SCAMP5: variants seen among roughly 807,000 people sequenced by gnomAD.
The protein encoded by SCAMP5 is secretory carrier membrane protein 5, also known as secretory carrier-associated membrane protein 5.
In SCAMP5, 7 loss-of-function variants were observed where a neutral mutation model predicts 28.3. The observed-to-expected ratio is 0.25, with a 90% CI of 0.14 to 0.46. The LOEUF is 0.46. Among genes scored for constraint, SCAMP5 ranks in the 20% least tolerant of loss-of-function variants. The pLI is 0.99. For missense variants in SCAMP5, 192 were observed against 312.5 expected (o/e 0.61, Z 2.91); for synonymous variants, 117 against 116.4 (o/e 1.00, Z -0.03).
rs1334046105 is a variant in SCAMP5 at position 74,995,579 on chromosome 15, G to A, written c.-143G>A. The A allele has an allele frequency of 1.4e-5, 2 of 141,822 alleles. No homozygotes were observed. Among genetic ancestry groups the A allele is most frequent in the African/African-American group, 2.6e-5 (1 of 39,086 alleles). 8.8% of individuals were successfully genotyped at this position (141,822 alleles called of 1,614,324 possible). A position where few individuals can be genotyped will look rare whatever the true frequency, so the allele number is the denominator to read the frequency against. ...GCGCGCGCTCCCCGCCCCCAGCCCCGGAGCGGCTCGCGGCCGGCTCCGCGC... is the reference window on the plus strand; with the variant it reads ...GCGCGCGCTCCCCGCCCCCAGCCCCAGAGCGGCTCGCGGCCGGCTCCGCGC... On this transcript the variant is annotated 5_prime_UTR_variant, in exon 1 of 7. Transcript: ENST00000425597.
intron 4 of SCAMP5, chr15:75,017,664 C>A: frequency 1.6e-6 from 1 of 608,088 alleles, no homozygotes; most frequent in Non-Finnish European, 2.9e-6. Flanking sequence ...GAAATCCCTC[C>A]CTGTGTAATG....
chr15:75,012,980 C>T, intron 3 of SCAMP5, 175 bp downstream of exon 3: 2 of 625,036 alleles, frequency 3.2e-6, no homozygotes, highest in Middle Eastern at 8.5e-4. Context: ...CTTCCATGGG[C>T]CACCTCCCCG....
intron 2 of SCAMP5, among the ~76,000 whole-genome samples, chr15:75,012,327 G>A (rs2141447186): frequency 6.6e-6 from 1 of 152,352 alleles, no homozygotes; most frequent in South Asian, 2.1e-4. Flanking sequence ...GTGGAGGCTG[G>A]AACCCACGTC....
intron 1 of SCAMP5, among the ~76,000 whole-genome samples, chr15:75,000,637 G>A (rs1359948803): frequency 6.7e-6 from 1 of 149,648 alleles, no homozygotes; most frequent in African/African-American, 2.4e-5. Flanking sequence ...GCCCACCTCG[G>A]CCTCCCAGAG....
chr15:75,009,593 C>T (rs1595885524), intron 1 of SCAMP5, among the ~76,000 whole-genome samples: 2 of 152,164 alleles, frequency 1.3e-5, no homozygotes, highest in East Asian at 3.9e-4. Flanking sequence ...CCTCCCACTT[C>T]AGCCTCCTGA....
Position 74,998,799 on chromosome 15 carries a change from A to G in SCAMP5, c.-49+3126A>G, listed in dbSNP as rs187521448. ...CTCTCTGCCCTAACCTTTATATACA[A>G]ACAAGGCAGCTTTGCCCTCTGCTCT... is the stretch of plus-strand genomic sequence containing the variant. On this transcript the variant is annotated intron_variant, in intron 1 of 6. Transcript: ENST00000425597. Among the ~76,000 whole-genome samples, 821 of 151,964 alleles carry G rather than the reference A, an allele frequency of 5.4e-3. 7 individuals are homozygous for G. The highest frequency in any genetic ancestry group is 0.019 in the African/African-American group (789 of 41,430).
At chr15:74,999,170 G>A (rs2065679382) in intron 1 of SCAMP5, among the ~76,000 whole-genome samples, 1 of 152,108 alleles carries the variant, frequency 6.6e-6, no homozygotes, top group South Asian at 2.1e-4. Context: ...ATTTCTCTCT[G>A]ACCACAGTCT....
At chr15:75,016,324 C>G (rs563117631) in intron 3 of SCAMP5, among the ~76,000 whole-genome samples, 2 of 152,088 alleles carry the variant, frequency 1.3e-5, no homozygotes, top group Non-Finnish European at 2.9e-5. Context: ...TCCCAGCTTG[C>G]GTTCTTACAG....
chr15:75,011,332 T>C (rs910048532), intron 1 of SCAMP5, among the ~76,000 whole-genome samples: 5 of 152,104 alleles, frequency 3.3e-5, no homozygotes, highest in Non-Finnish European at 7.3e-5. Context: ...ACTGCAGAGG[T>C]GATTGACTGT....
At chr15:75,001,784 C>T (rs1158304661) in intron 1 of SCAMP5, among the ~76,000 whole-genome samples, 1 of 146,512 alleles carries the variant, frequency 6.8e-6, no homozygotes, top group African/African-American at 2.5e-5. Context: ...GCAGGAGAAT[C>T]GCTTGAACCC....
intron 1 of SCAMP5, among the ~76,000 whole-genome samples, chr15:75,003,456 T>C (rs961851495): frequency 6.6e-6 from 1 of 152,178 alleles, no homozygotes; most frequent in African/African-American, 2.4e-5. Flanking sequence ...AATACAGATA[T>C]GTATATTTCC....
chr15:74,997,553 T>C (rs1451192297), intron 1 of SCAMP5, among the ~76,000 whole-genome samples: 2 of 152,204 alleles, frequency 1.3e-5, no homozygotes, highest in Non-Finnish European at 1.5e-5. Context: ...GCAGCGATTT[T>C]TGGAAAGGCT....
At chr15:75,017,770 T>A in intron 4 of SCAMP5, 100 bp from the exon 5 acceptor site, 2 of 792,678 alleles carry the variant, frequency 2.5e-6, no homozygotes, top group South Asian at 2.7e-5. Flanking sequence ...AAATGTCTTC[T>A]GTCCATTATG....
intron 1 of SCAMP5, chr15:74,997,330 T>G (rs1317012339): frequency 1.3e-5 from 2 of 152,116 alleles, no homozygotes; most frequent in African/African-American, 4.8e-5. Flanking sequence ...TGACAGCAGC[T>G]TTGGGCTTAA....
chr15:75,010,897 C>T (rs2065805486), intron 1 of SCAMP5, among the ~76,000 whole-genome samples: 2 of 152,176 alleles, frequency 1.3e-5, no homozygotes, highest in Admixed American at 1.3e-4. Flanking sequence ...CAGGTTTTTA[C>T]TACCACTTGT....
chr15:75,010,211 C>T (rs2065798522), intron 1 of SCAMP5, among the ~76,000 whole-genome samples: 1 of 152,154 alleles, frequency 6.6e-6, no homozygotes, highest in Non-Finnish European at 1.5e-5. Context: ...TGTTTGTACC[C>T]TCCAGATTCC....
At chr15:75,003,229 T>C (rs558795914) in intron 1 of SCAMP5, among the ~76,000 whole-genome samples, 2 of 152,320 alleles carry the variant, frequency 1.3e-5, no homozygotes, top group South Asian at 4.1e-4. Flanking sequence ...AGCCTGCAAA[T>C]TGGCAATGTT....
intron 1 of SCAMP5, among the ~76,000 whole-genome samples, chr15:75,008,218 T>C (rs2065778688): frequency 1.3e-5 from 2 of 152,044 alleles, no homozygotes; most frequent in South Asian, 2.1e-4. Context: ...TCATTTTATG[T>C]GTACAAGTAT....
chr15:75,001,269 CAAAAAAAA>C (rs34325708), intron 1 of SCAMP5, among the ~76,000 whole-genome samples: 21 of 58,186 alleles, frequency 3.6e-4, no homozygotes, highest in African/African-American at 1.5e-3. Flanking sequence ...AGCGAGACTC[CAAAAAAAA>C]AAAAAAAAAA....
Sources: allele counts gnomAD v4.1 joint callset (sites outside exome capture counted in the v4.1 genomes callset), GRCh38; gene constraint gnomAD v4.1.1; transcripts MANE v1.5; gene names NCBI Gene and HGNC (gene_info 2026-07-23, HGNC 2026-07-21).